Variants in LRRC61 observed in about 807,000 individuals in gnomAD.
LRRC61 encodes the protein leucine rich repeat containing 61.
In LRRC61, 9 loss-of-function variants were observed where a neutral mutation model predicts 15.1. The observed-to-expected ratio is 0.60, with a 90% CI of 0.36 to 1.04. LRRC61 has a LOEUF of 1.04. LRRC61 is among the 50% of genes least tolerant of loss of function. The pLI is 0.01. For synonymous variants in LRRC61, 173 were observed against 158.6 expected (o/e 1.09, Z -0.68); for missense variants, 344 against 335.6 (o/e 1.03, Z -0.20).
rs75914222 is a variant in LRRC61 at position 150,337,633 on chromosome 7, G to A, written c.772G>A (p.Val258Ile). The part of the protein sequence containing the change: ...LSSAGPTSSF[V>I]F ...CTCTGCGGGCCCCACCTCTTCCTTC[G>A]TCTTCTGAACGTGGCCTATGGCCCA... The change falls in exon 3 of 3, where the codon GTC (valine) becomes ATC (isoleucine). Residue 258 changes from valine to isoleucine, a missense_variant. By Grantham distance (29) the Val-to-Ile change is conservative. Coordinates refer to ENST00000359623, the MANE Select transcript of LRRC61 (RefSeq NM_001142928.2). 5.0e-4 allele frequency: 764 copies of A among 1,523,568 alleles called. 1 individual carries two copies. The African/African-American group carries it at 8.5e-3, about 17-fold the overall frequency. The allele number at this position is 1,523,568 out of a possible 1,614,324, so 94.4% of individuals were successfully genotyped here.
the LRRC61 span, among the ~76,000 whole-genome samples, chr7:150,309,860 C>A: frequency 6.6e-6 from 1 of 152,186 alleles, no homozygotes; most frequent in Non-Finnish European, 1.5e-5. Context: ...CCCCCTGGAC[C>A]ATCATGGACG....
chr7:150,330,301 A>G lies in LRRC61; in HGVS notation c.-145+4291A>G, dbSNP rs962949895. 2.0e-5 allele frequency: 14 copies of G among 691,038 alleles called. No homozygotes were observed. In the East Asian group the frequency reaches 3.5e-4, roughly 17 times the overall value. The allele number at this position is 691,038 out of a possible 1,614,324, so 42.8% of individuals were successfully genotyped here. ...CTGGTGGAGCAGCAGCAGCCCCTTC[A>G]AGAGTACAAGGGCAGGCACCAGCTG... is the stretch of plus-strand genomic sequence containing the variant. On this transcript the variant is annotated intron_variant, in intron 2 of 2. Coordinates refer to ENST00000359623, the MANE Select transcript of LRRC61 (RefSeq NM_001142928.2). This position sits in a 1 kb window ranked among gnomAD's most constrained non-coding sequence, Gnocchi z 4.6.
upstream of LRRC61, among the ~76,000 whole-genome samples, chr7:150,319,508 A>G (rs1262699156): frequency 6.6e-6 from 1 of 152,150 alleles, no homozygotes; most frequent in African/African-American, 2.4e-5. Context: ...CGCCTGGCCC[A>G]GAACAAACTT....
intron 2 of LRRC61, chr7:150,332,104 C>T (rs776198313): frequency 6.0e-6 from 1 of 167,140 alleles, no homozygotes; most frequent in Non-Finnish European, 1.5e-5. Flanking sequence ...CTGCCATCAC[C>T]CTTGCCCCTG....
chr7:150,313,281 G>A, the LRRC61 span, among the ~76,000 whole-genome samples: 9 of 152,276 alleles, frequency 5.9e-5, no homozygotes, highest in African/African-American at 9.6e-5. Flanking sequence ...ACGGACACAC[G>A]TGACAGTTCA....
intron 2 of LRRC61, among the ~76,000 whole-genome samples, chr7:150,327,541 G>A (rs567344899): frequency 2.6e-5 from 4 of 152,258 alleles, no homozygotes; most frequent in African/African-American, 4.8e-5. Flanking sequence ...GCACCGGGCC[G>A]GGCGTGGTGA....
chr7:150,312,091 C>T, the LRRC61 span, among the ~76,000 whole-genome samples: 1 of 152,186 alleles, frequency 6.6e-6, no homozygotes, highest in Admixed American at 6.5e-5. Flanking sequence ...AAAGAAAATG[C>T]CTACGCCAAC....
At position 150,331,073 on chromosome 7, in the gene LRRC61, GCCACC is replaced by G; in HGVS notation, c.-145+5064_-145+5068del. 1.9e-6 allele frequency: 3 copies of G among 1,613,168 alleles called. No individual in the cohort carries two copies. The South Asian group carries it at 3.3e-5, about 18-fold the overall frequency. On this transcript the variant is annotated intron_variant, in intron 2 of 2. Coordinates refer to ENST00000359623, the MANE Select transcript of LRRC61 (RefSeq NM_001142928.2). The stretch of plus-strand genomic sequence containing the variant: ...ACTGGGAGAAGAAGCGAGAAGCCTG[GCCACC>G]ATCTATCTGTCTTACCCCCCACAGG...
At position 150,336,705 on chromosome 7, in the gene LRRC61, T is replaced by C. The variant is rs1798303591; in HGVS notation, c.-144-13T>C. 2 of 940,620 alleles carry C rather than the reference T, an allele frequency of 2.1e-6. No homozygotes were observed. The highest frequency in any genetic ancestry group is 3.3e-5 in the South Asian group (2 of 61,294). 58.3% of individuals were successfully genotyped at this position (940,620 alleles called of 1,614,324 possible). ...CAGAAAGTGCTGCCTGCTGACTGAC[T>C]GTCTCTCCTCAGGGACTGGCTGGCT... is the stretch of plus-strand genomic sequence containing the variant. On this transcript the variant is annotated splice_polypyrimidine_tract_variant and intron_variant, in intron 2 of 2. Coordinates refer to ENST00000359623, the MANE Select transcript of LRRC61 (RefSeq NM_001142928.2).
chr7:150,322,893 C>G (rs144360208), upstream of LRRC61: 1 of 152,284 alleles, frequency 6.6e-6, no homozygotes, highest in African/African-American at 2.4e-5. Context: ...ACGCGGGAGA[C>G]CTGGATCCTT....
Position 150,330,514 on chromosome 7 carries a change from A to G in LRRC61, c.-145+4504A>G, listed in dbSNP as rs1383231640. ...CAGGTTCACACACACTTTCAGGAGC[A>G]GAGTGTCGGGGAGAGGGGCGCAGCC... On this transcript the variant is annotated intron_variant, in intron 2 of 2. Coordinates refer to ENST00000359623, the MANE Select transcript of LRRC61 (RefSeq NM_001142928.2). This position sits in a 1 kb window ranked among gnomAD's most constrained non-coding sequence, Gnocchi z 4.6. The G allele has an allele frequency of 2.6e-6, 2 of 779,934 alleles. No individual in the cohort carries two copies. Among genetic ancestry groups the G allele is most frequent in the Admixed American group, 1.7e-5 (1 of 58,940 alleles). The allele number at this position is 779,934 out of a possible 1,614,324, so 48.3% of individuals were successfully genotyped here.
At position 150,336,892 on chromosome 7, in the gene LRRC61, G is replaced by A. The variant is rs558217004; in HGVS notation, c.31G>A (p.Ala11Thr). MDPPAEKPGEAGGLQITPQLL... is the reference protein window; with the variant it reads MDPPAEKPGETGGLQITPQLL... ...CCCTCCAGCGGAGAAGCCGGGAGAG[G>A]CTGGCGGACTGCAGATCACACCCCA... is the stretch of plus-strand genomic sequence containing the variant. The change falls in exon 3 of 3, where the codon GCT becomes ACT. Residue 11 changes from alanine (A) to threonine (T), a missense_variant. Physicochemically the swap from Ala to Thr is moderately conservative, Grantham distance 58. Transcript: ENST00000359623. The A allele has an allele frequency of 5.6e-6, 9 of 1,601,794 alleles. No individual in the cohort carries two copies. The highest frequency in any genetic ancestry group is 2.3e-5 in the South Asian group (2 of 88,402).
chr7:150,331,297 G>A (rs575516553), intron 2 of LRRC61: 4 of 606,080 alleles, frequency 6.6e-6, no homozygotes, highest in South Asian at 2.4e-5. Context: ...CCTGCAGTCC[G>A]CTCAGGGTGG....
At chr7:150,334,546 G>A (rs369118393) in intron 2 of LRRC61, among the ~76,000 whole-genome samples, 7 of 152,198 alleles carry the variant, frequency 4.6e-5, no homozygotes, top group African/African-American at 1.7e-4. Context: ...TTGGCCCCAT[G>A]CACTGCATGC....
At chr7:150,329,529 A>G (rs1202205510) in intron 2 of LRRC61, among the ~76,000 whole-genome samples, 1 of 152,182 alleles carries the variant, frequency 6.6e-6, no homozygotes, top group East Asian at 1.9e-4. Context: ...TGCTTGGGAC[A>G]CTTCCCAGCA....
At chr7:150,328,180 G>A (rs904987369) in intron 2 of LRRC61, among the ~76,000 whole-genome samples, 8 of 152,132 alleles carry the variant, frequency 5.3e-5, no homozygotes, top group African/African-American at 1.7e-4. Context: ...AAGAAGGTAC[G>A]GTAGAAGTCA....
In LRRC61 at chr7:150,323,457, TGCGGCTCTTACCTGCCGAGG is replaced by T; in HGVS notation, c.-417_-398del. ...GCCGCCAGGCGGCGGGCGGCGGGGC[TGCGGCTCTTACCTGCCGAGG>T]AGGCGCCGGCTCTGCGGTGCGGAGT... is the stretch of plus-strand genomic sequence containing the variant. On this transcript the variant is annotated 5_prime_UTR_variant, in exon 1 of 3. Coordinates refer to ENST00000359623, the MANE Select transcript of LRRC61 (RefSeq NM_001142928.2). The T allele has an allele frequency of 2.7e-6, 1 of 370,410 alleles. No homozygotes were observed. The highest frequency in any genetic ancestry group is 5.2e-6 in the Non-Finnish European group (1 of 192,342). 22.9% of individuals were successfully genotyped at this position (370,410 alleles called of 1,614,324 possible).
At chr7:150,324,422 A>C (rs573053157) in intron 1 of LRRC61, 2 of 152,390 alleles carry the variant, frequency 1.3e-5, no homozygotes, top group East Asian at 3.9e-4. Context: ...AGGCTTGGTG[A>C]GAGCAGCGAG....
At chr7:150,313,847 C>A in the LRRC61 span, among the ~76,000 whole-genome samples, 4 of 152,208 alleles carry the variant, frequency 2.6e-5, no homozygotes, top group South Asian at 4.1e-4. Context: ...TACCTGGAGA[C>A]CTGCCTGGAG....
Sources: allele counts gnomAD v4.1 joint callset (sites outside exome capture counted in the v4.1 genomes callset), GRCh38; gene constraint gnomAD v4.1.1; non-coding constraint Gnocchi (gnomAD v3.1); transcripts MANE v1.5; gene names NCBI Gene and HGNC (gene_info 2026-07-23, HGNC 2026-07-21).